DPF3: variants seen among roughly 807,000 people sequenced by gnomAD.
DPF3 encodes the protein zinc finger protein DPF3.
DPF3 carries 18 observed loss-of-function variants against 56.8 expected under a neutral mutation model. The observed-to-expected ratio is 0.32, with a 90% CI of 0.22 to 0.47. The LOEUF is 0.47. Among genes scored for constraint, DPF3 ranks in the 20% least tolerant of loss-of-function variants. DPF3 has a pLI of 1.00. For missense variants in DPF3, 403 were observed against 488.8 expected (o/e 0.82, Z 1.65); for synonymous variants, 188 against 180.2 (o/e 1.04, Z -0.35).
chr14:72,694,583 T>C (rs900605118), intron 6 of DPF3, among the ~76,000 whole-genome samples: 4 of 152,210 alleles, frequency 2.6e-5, no homozygotes, highest in African/African-American at 9.7e-5. Flanking sequence ...CCAGATTCTC[T>C]TGGGGTTTTT....
At chr14:72,658,821 A>AC (rs1463702635) in intron 8 of DPF3, among the ~76,000 whole-genome samples, 2 of 152,054 alleles carry the variant, frequency 1.3e-5, no homozygotes, top group Non-Finnish European at 2.9e-5. Flanking sequence ...CTCAACTTCC[A>AC]CCTTACCCAG....
intron 2 of DPF3, among the ~76,000 whole-genome samples, chr14:72,761,020 T>A (rs1179063652): frequency 1.4e-5 from 2 of 145,672 alleles, no homozygotes; most frequent in Non-Finnish European, 2.9e-5. Context: ...AATCAATTTA[T>A]TGAGGATATA....
chr14:72,623,634 A>G (rs1884607089), intron 9 of DPF3, among the ~76,000 whole-genome samples: 2 of 152,254 alleles, frequency 1.3e-5, no homozygotes, highest in Non-Finnish European at 2.9e-5. Flanking sequence ...AAGAAAATAG[A>G]AATGTAGGCC....
chr14:72,891,881 G>T (rs1031283195), intron 1 of DPF3, among the ~76,000 whole-genome samples: 3 of 152,044 alleles, frequency 2.0e-5, no homozygotes, highest in African/African-American at 4.8e-5. Context: ...AATACATCAC[G>T]TTGCAACTGT....
At chr14:72,802,844 T>C (rs1892942232) in intron 1 of DPF3, among the ~76,000 whole-genome samples, 1 of 152,180 alleles carries the variant, frequency 6.6e-6, no homozygotes. Flanking sequence ...TTGATCTCCC[T>C]TCTAGCCTGT....
chr14:72,805,065 C>CACACACACACAT (rs1329999114), intron 1 of DPF3, among the ~76,000 whole-genome samples: 3 of 151,398 alleles, frequency 2.0e-5, no homozygotes, highest in Admixed American at 6.6e-5. Flanking sequence ...CACACACACA[C>CACACACACACAT]ACAAACACAC....
intron 8 of DPF3, among the ~76,000 whole-genome samples, chr14:72,637,696 A>G (rs1229530196): frequency 6.6e-6 from 1 of 152,182 alleles, no homozygotes; most frequent in Non-Finnish European, 1.5e-5. Flanking sequence ...AGCTTTGTCT[A>G]TGCCACCCAA....
chr14:72,714,454 C>G lies in DPF3; in HGVS notation c.573G>C (p.Gln191His), dbSNP rs1315919580. 1 of 1,613,890 alleles carries G rather than the reference C, an allele frequency of 6.2e-7. No homozygotes were observed. Among genetic ancestry groups the G allele is most frequent in the Non-Finnish European group, 8.5e-7 (1 of 1,179,818 alleles). Residue 191 changes from glutamine to histidine, a missense_variant, in exon 6 of 11, where the codon CAG (glutamine) becomes CAC (histidine). Gln to His is a conservative substitution (Grantham distance 24). This residue lies in a region of DPF3 where 340 missense variants were observed against 374.3 expected (regional missense o/e 0.91). Transcript: ENST00000556509. ...GGRRRHDAASQEDHDKPYVCD... is the reference protein window; with the variant it reads ...GGRRRHDAASHEDHDKPYVCD... ...AGACGTAAGGTTTGTCGTGGTCTTC[C>G]TGAGAGGCGGCGTCGTGCCTCCTCC... is the stretch of plus-strand genomic sequence containing the variant.
intron 8 of DPF3, among the ~76,000 whole-genome samples, chr14:72,642,187 C>T (rs1885584151): frequency 6.6e-6 from 1 of 152,240 alleles, no homozygotes; most frequent in South Asian, 2.1e-4. Context: ...CTGTGACACA[C>T]CACCCACCCA....
chr14:72,662,020 A>G, intron 8 of DPF3: 9 of 985,226 alleles, frequency 9.1e-6, no homozygotes, highest in African/African-American at 1.7e-5. Flanking sequence ...CATTCAGATA[A>G]AAGGGGCTTG....
chr14:72,666,204 C>T (rs1013593556), intron 8 of DPF3, among the ~76,000 whole-genome samples: 3 of 152,180 alleles, frequency 2.0e-5, no homozygotes, highest in Non-Finnish European at 2.9e-5. Context: ...CCATTACTCC[C>T]GCTACCACTG....
At chr14:72,703,135 G>A (rs1167951604) in intron 6 of DPF3, among the ~76,000 whole-genome samples, 2 of 152,104 alleles carry the variant, frequency 1.3e-5, no homozygotes, top group Admixed American at 1.3e-4. Flanking sequence ...AAATGATGAG[G>A]CTCCCAGAGG....
At chr14:72,882,052 T>C (rs1163069109) in intron 1 of DPF3, among the ~76,000 whole-genome samples, 3 of 152,136 alleles carry the variant, frequency 2.0e-5, no homozygotes, top group Non-Finnish European at 4.4e-5. Context: ...AGCTTTGGGT[T>C]TTTTTTCTTT....
intron 1 of DPF3, among the ~76,000 whole-genome samples, chr14:72,859,978 A>AG (rs1021121604): frequency 4.6e-5 from 7 of 152,064 alleles, no homozygotes; most frequent in Admixed American, 2.6e-4. Context: ...AAAAAAAAAA[A>AG]AAAACAGAAA....
chr14:72,669,872 A>C (rs986390597), intron 8 of DPF3: 140 of 984,992 alleles, frequency 1.4e-4, no homozygotes, highest in Non-Finnish European at 1.6e-4. Context: ...AGCTGGGGGA[A>C]AAAGGAAAAA....
chr14:72,728,444 C>T lies in DPF3; in HGVS notation c.429+3363G>A, dbSNP rs144475044. On this transcript the variant is annotated intron_variant, in intron 4 of 10. Coordinates refer to ENST00000556509, the MANE Select transcript of DPF3 (RefSeq NM_001280542.3). The stretch of plus-strand genomic sequence containing the variant: ...GAGGGAAGAAGGCTGAAGAACAGAG[C>T]GGCGAAAGGAGTAGTGGAAAATAAG... Among the ~76,000 whole-genome samples, 14 of 152,128 alleles carry T rather than the reference C, an allele frequency of 9.2e-5. No homozygotes were observed. The East Asian group carries it at 1.9e-3, about 21-fold the overall frequency.
intron 1 of DPF3, among the ~76,000 whole-genome samples, chr14:72,887,440 C>T (rs1349173434): frequency 6.6e-6 from 1 of 152,136 alleles, no homozygotes; most frequent in African/African-American, 2.4e-5. Context: ...GAAGTTCCAC[C>T]CAGCTTAGAA....
intron 1 of DPF3, among the ~76,000 whole-genome samples, chr14:72,864,142 A>G (rs1202291299): frequency 8.6e-6 from 1 of 115,934 alleles, no homozygotes; most frequent in African/African-American, 3.3e-5. Context: ...CATCCCACCC[A>G]CCCCCATACA....
Position 72,619,918 on chromosome 14 carries a change from C to T in DPF3, c.1051G>A (p.Ala351Thr), listed in dbSNP as rs1200527567. Residue 351 changes from alanine (A) to threonine (T), a missense_variant, in exon 10 of 11, where the codon GCT (alanine) becomes ACT (threonine). Physicochemically the swap from Ala to Thr is moderately conservative, Grantham distance 58. This residue lies in a region of DPF3 where 63 missense variants were observed against 114.4 expected (regional missense o/e 0.55). Transcript: ENST00000556509. ...TCATCATTACCTTCTGGGGGCTCAG[C>T]CACCGGGGGATTTAAACAGTACATG... ...YHMYCLNPPV[A>T]EPPEGSWSCH... 10 of 1,533,630 alleles carry T rather than the reference C, an allele frequency of 6.5e-6. No homozygotes were observed. The South Asian group carries it at 9.6e-5, about 15-fold the overall frequency.
Sources: allele counts gnomAD v4.1 joint callset (sites outside exome capture counted in the v4.1 genomes callset), GRCh38; gene constraint gnomAD v4.1.1; regional missense constraint gnomAD v4.1.1; transcripts MANE v1.5; gene names NCBI Gene and HGNC (gene_info 2026-07-23, HGNC 2026-07-21).